RBFOX2: variants seen among roughly 807,000 people sequenced by gnomAD.
RBFOX2 encodes the protein RNA binding protein fox-1 homolog 2.
RBFOX2 carries 10 observed loss-of-function variants against 49.1 expected under a neutral mutation model. That is an observed-to-expected ratio of 0.20 (90% CI 0.13 to 0.35). The LOEUF is 0.35. Ranked by LOEUF, RBFOX2 falls within the 10% of genes least tolerant of loss-of-function variation. The pLI, the probability that RBFOX2 is intolerant of heterozygous loss-of-function variation, is 1.00. For synonymous variants in RBFOX2, 183 were observed against 187.4 expected, an observed-to-expected ratio of 0.98 and a Z score of 0.19; for missense variants, 323 against 486.9, an observed-to-expected ratio of 0.66 and a Z score of 3.17.
chr22:35,823,457 C>T (rs540002081), intron 1 of RBFOX2, among the ~76,000 whole-genome samples: 1 of 152,296 alleles, frequency 6.6e-6, no homozygotes, highest in Admixed American at 6.5e-5. Context: ...TGCTACATTT[C>T]ACCTTTTTCT....
At chr22:35,993,621 G>C (rs772333271) in intron 1 of RBFOX2, 4 of 152,168 alleles carry the variant, frequency 2.6e-5, no homozygotes, top group Non-Finnish European at 5.9e-5. Flanking sequence ...CAGAAACTAT[G>C]AGATAATAAG....
At chr22:35,844,058 G>A (rs2040856824), upstream of RBFOX2, among the ~76,000 whole-genome samples, 1 of 152,020 alleles carries the variant, frequency 6.6e-6, no homozygotes, top group African/African-American at 2.4e-5. Context: ...CTTGAATATG[G>A]CCGACTATAT....
upstream of RBFOX2, among the ~76,000 whole-genome samples, chr22:35,966,481 G>A (rs140898964): frequency 3.3e-5 from 5 of 152,294 alleles, no homozygotes; most frequent in African/African-American, 4.8e-5. Flanking sequence ...GATGCTGAAC[G>A]TCCTCACTAA....
intron 1 of RBFOX2, among the ~76,000 whole-genome samples, chr22:35,934,155 G>A (rs916389795): frequency 3.3e-5 from 5 of 150,680 alleles, no homozygotes; most frequent in Admixed American, 2.0e-4. Flanking sequence ...CATCAAGACC[G>A]TGTTCCTCTT....
At chr22:36,017,767 T>C (rs1418808788) in intron 1 of RBFOX2, among the ~76,000 whole-genome samples, 1 of 152,164 alleles carries the variant, frequency 6.6e-6, no homozygotes, top group African/African-American at 2.4e-5. Flanking sequence ...GTGGTTCCTC[T>C]TTTCTCCTTA....
intron 1 of RBFOX2, among the ~76,000 whole-genome samples, chr22:35,923,601 T>C (rs2051271346): frequency 6.6e-6 from 1 of 152,178 alleles, no homozygotes; most frequent in Non-Finnish European, 1.5e-5. Context: ...GGCCAAGGAA[T>C]TGGTTTTTTT....
intron 1 of RBFOX2, among the ~76,000 whole-genome samples, chr22:36,017,799 T>G (rs370467475): frequency 2.6e-5 from 4 of 152,102 alleles, no homozygotes; most frequent in African/African-American, 9.7e-5. Context: ...ACAAAGGAGC[T>G]TTTTACATAT....
chr22:35,771,563 T>C (rs964765615), intron 4 of RBFOX2, among the ~76,000 whole-genome samples: 6 of 152,174 alleles, frequency 3.9e-5, no homozygotes, highest in African/African-American at 1.2e-4. Context: ...TCAGAAGTCA[T>C]AGGGAATTAA....
upstream of RBFOX2, among the ~76,000 whole-genome samples, chr22:35,962,779 G>C (rs953547895): frequency 9.9e-5 from 15 of 151,948 alleles, no homozygotes; most frequent in African/African-American, 3.6e-4. Context: ...ATGGACCAGG[G>C]CTTCATTCTC....
chr22:35,971,982 T>C (rs1230888621), intron 1 of RBFOX2, among the ~76,000 whole-genome samples: 8 of 149,036 alleles, frequency 5.4e-5, no homozygotes, highest in Non-Finnish European at 1.5e-5. Context: ...CCTGCAACCT[T>C]CTCATCCCTT....
chr22:36,028,597 G>A (rs891149160), exon 1 of RBFOX2, among the ~76,000 whole-genome samples: 19 of 148,262 alleles, frequency 1.3e-4, no homozygotes, highest in Non-Finnish European at 2.7e-4. Flanking sequence ...CGCGGCCGCC[G>A]CTCCTTGCCT....
chr22:35,959,375 C>T (rs914336559), intron 1 of RBFOX2, among the ~76,000 whole-genome samples: 2 of 152,094 alleles, frequency 1.3e-5, no homozygotes, highest in African/African-American at 4.8e-5. Flanking sequence ...TACCCCTAGG[C>T]CAAGAAATAG....
Position 35,878,864 on chromosome 22 carries a change from G to A in RBFOX2, c.-34+59983C>T, listed in dbSNP as rs754013014. Among the ~76,000 whole-genome samples the A allele has an allele frequency of 1.5e-3, 235 of 152,240 alleles. 1 individual carries two copies. Among genetic ancestry groups the A allele is most frequent in the Non-Finnish European group, 2.4e-3 (165 of 68,024 alleles). On this transcript the variant is annotated intron_variant, in intron 1 of 13. Transcript: ENST00000359369. ...TCCTGCCTCAGCCTCCAGAGTGGCT[G>A]GGACTACAGGCGCCCGCCACCACAC...
intron 1 of RBFOX2, among the ~76,000 whole-genome samples, chr22:35,958,348 A>C (rs1035127859): frequency 6.6e-6 from 1 of 152,240 alleles, no homozygotes. Flanking sequence ...TTTAGGCACA[A>C]GGTATACAAA....
At chr22:35,927,402 C>T (rs192108269) in intron 1 of RBFOX2, among the ~76,000 whole-genome samples, 2 of 151,922 alleles carry the variant, frequency 1.3e-5, no homozygotes, top group South Asian at 2.1e-4. Context: ...GTTGGGAGTT[C>T]GAGACCAGCC....
At chr22:35,873,130 G>C (rs1308155510) in intron 1 of RBFOX2, among the ~76,000 whole-genome samples, 1 of 152,088 alleles carries the variant, frequency 6.6e-6, no homozygotes, top group African/African-American at 2.4e-5. Flanking sequence ...ATTTGTTACT[G>C]AATTGGTTGT....
rs563186232 is a variant in RBFOX2 at position 35,836,000 on chromosome 22, G to T, written c.27+4192C>A. Among the ~76,000 whole-genome samples, 5 of 151,416 alleles carry T rather than the reference G, an allele frequency of 3.3e-5. No homozygotes were observed. The South Asian group carries it at 1.0e-3, about 32-fold the overall frequency. On this transcript the variant is annotated intron_variant, in intron 1 of 11. Transcript: ENST00000405409. ...ATTCAGTCTCCAACCCACAATCCCC[G>T]CCTATCCTCCAACTCCCCAAATCCT...
At chr22:35,981,573 C>T (rs1292476788) in intron 1 of RBFOX2, among the ~76,000 whole-genome samples, 1 of 150,394 alleles carries the variant, frequency 6.6e-6, no homozygotes, top group Non-Finnish European at 1.5e-5. Context: ...ACCTAGGAGT[C>T]TGAGATTGCA....
At chr22:35,847,090 T>G (rs927259153) in intron 1 of RBFOX2, among the ~76,000 whole-genome samples, 1 of 152,194 alleles carries the variant, frequency 6.6e-6, no homozygotes, top group Non-Finnish European at 1.5e-5. Flanking sequence ...TTAAATAGAT[T>G]TGTCTGGGCA....
Sources: allele counts gnomAD v4.1 joint callset (sites outside exome capture counted in the v4.1 genomes callset), GRCh38; gene constraint gnomAD v4.1.1; transcripts MANE v1.5; gene names NCBI Gene and HGNC (gene_info 2026-07-23, HGNC 2026-07-21).